Variants in ADCY9 observed in about 807,000 individuals in gnomAD.
The protein encoded by ADCY9 is adenylate cyclase type 9.
In ADCY9, 50 loss-of-function variants were observed where a neutral mutation model predicts 101.5. The observed-to-expected ratio is 0.49, with a 90% CI of 0.39 to 0.62. ADCY9 has a LOEUF of 0.62. Among genes scored for constraint, ADCY9 ranks in the 20% least tolerant of loss-of-function variants. ADCY9 has a pLI of 0.00. For synonymous variants in ADCY9, 905 were observed against 769.3 expected (o/e 1.18, Z -2.92); for missense variants, 1,662 against 1,800.4 (o/e 0.92, Z 1.39).
At chr16:4,073,731 T>A (rs1296883626) in intron 2 of ADCY9, among the ~76,000 whole-genome samples, 4 of 152,034 alleles carry the variant, frequency 2.6e-5, no homozygotes, top group Non-Finnish European at 5.9e-5. Flanking sequence ...AAATAAAAAC[T>A]TTTTCAGACA....
intron 2 of ADCY9, among the ~76,000 whole-genome samples, chr16:4,093,847 A>G (rs1350173147): frequency 6.6e-6 from 1 of 152,234 alleles, no homozygotes. Context: ...TTACTTGTTC[A>G]GGAAAGCTCC....
intron 3 of ADCY9, among the ~76,000 whole-genome samples, chr16:3,993,850 C>T (rs192348081): frequency 1.3e-5 from 2 of 152,242 alleles, no homozygotes; most frequent in South Asian, 2.1e-4. Context: ...TGGTGAACCT[C>T]GAAAACATTA....
At chr16:3,985,508 C>T (rs1465958683) in intron 6 of ADCY9, among the ~76,000 whole-genome samples, 2 of 152,330 alleles carry the variant, frequency 1.3e-5, no homozygotes, top group East Asian at 3.9e-4. Context: ...CGTCCCCTTT[C>T]TGTGGGGCTC....
intron 2 of ADCY9, among the ~76,000 whole-genome samples, chr16:4,019,044 C>T (rs544393648): frequency 1.3e-5 from 2 of 151,560 alleles, no homozygotes; most frequent in East Asian, 3.9e-4. Context: ...GGCATGATCA[C>T]GGCTCACTGC....
chr16:4,070,955 AAATAAT>A (rs1368964033), intron 2 of ADCY9, among the ~76,000 whole-genome samples: 1 of 152,148 alleles, frequency 6.6e-6, no homozygotes, highest in Admixed American at 6.6e-5. Flanking sequence ...TCAAAAAATA[AAATAAT>A]AATAATAATA....
In ADCY9 at chr16:3,966,407, C is replaced by T; in HGVS notation, c.3430G>A (p.Glu1144Lys). ...AAGTCGTCCACCACGCGCATCATCT[C>T]CTTGGCGAACTCGAACAGGATCTGC... is the stretch of plus-strand genomic sequence containing the variant. ...HLQILFEFAK[E>K]MMRVVDDFNN... is the part of the protein sequence containing the mutation. Residue 1144 changes from glutamate (E) to lysine (K), a missense_variant, in exon 11 of 11, where the codon GAG becomes AAG. Around this residue, in one of 5 missense-constraint regions of ADCY9, gnomAD observed 220 missense variants for 312.9 expected, o/e 0.70. Transcript: ENST00000294016. 1 of 1,614,158 alleles carries T rather than the reference C, an allele frequency of 6.2e-7. No homozygotes were observed. The highest frequency in any genetic ancestry group is 8.5e-7 in the Non-Finnish European group (1 of 1,180,046).
intron 5 of ADCY9, among the ~76,000 whole-genome samples, chr16:3,954,256 G>A (rs2055896111): frequency 3.3e-5 from 5 of 152,202 alleles, no homozygotes; most frequent in Non-Finnish European, 7.4e-5. Context: ...CTGGGTCCTG[G>A]TGAACGACGA....
chr16:4,114,195 C>A lies in ADCY9; in HGVS notation c.1248G>T (p.Val416=). 1 of 1,613,974 alleles carries A rather than the reference C, an allele frequency of 6.2e-7. No homozygotes were observed. Among genetic ancestry groups the A allele is most frequent in the Non-Finnish European group, 8.5e-7 (1 of 1,180,040 alleles). The change falls in exon 2 of 11, where the codon GTG becomes GTT. Residue 416 remains valine, a synonymous_variant. Transcript: ENST00000294016. The surrounding 1 kb of genome is among the most constrained non-coding windows in gnomAD (Gnocchi z 4.3). The stretch of plus-strand genomic sequence containing the variant: ...GACCGAACAGATCGTTCAGGAGACC[C>A]ACCAGGGCGTGGGCAGACTTGTTGG... The part of the protein sequence containing the change: ...MSANKSAHAL[V]GLLNDLFGRF...
chr16:3,987,357 G>GTC (rs1157703284), intron 6 of ADCY9, among the ~76,000 whole-genome samples: 2 of 152,252 alleles, frequency 1.3e-5, no homozygotes, highest in African/African-American at 4.8e-5. Context: ...TGGCAAAGGT[G>GTC]TCTGCTGTTT....
intron 2 of ADCY9, among the ~76,000 whole-genome samples, chr16:4,027,211 C>A (rs1337278472): frequency 6.6e-6 from 1 of 152,242 alleles, no homozygotes; most frequent in African/African-American, 2.4e-5. Context: ...CCTGCTCCCA[C>A]TCCGTGGAGT....
Position 3,965,933 on chromosome 16 carries a change from T to C in ADCY9, c.3904A>G (p.Lys1302Glu). Residue 1302 changes from lysine (K) to glutamate (E), a missense_variant, in exon 11 of 11, where the codon AAG (lysine) becomes GAG (glutamate). Transcript: ENST00000294016. ...SLGSDSSTQA[K>E]DAHLSPKRPW... ...CTCTTGGGGGACAGGTGGGCATCCT[T>C]GGCCTGCGTGCTGCTGTCAGAACCC... 6.2e-7 allele frequency: 1 copy of C among 1,614,160 alleles called. No individual in the cohort carries two copies. Among genetic ancestry groups the C allele is most frequent in the Non-Finnish European group, 8.5e-7 (1 of 1,180,026 alleles).
chr16:4,096,685 A>G (rs1378324645), intron 2 of ADCY9, among the ~76,000 whole-genome samples: 1 of 152,228 alleles, frequency 6.6e-6, no homozygotes, highest in African/African-American at 2.4e-5. Flanking sequence ...AACTGAATCA[A>G]CATGCAATAA....
intron 10 of ADCY9, among the ~76,000 whole-genome samples, chr16:3,969,614 T>TATGTA (rs1567414929): frequency 2.8e-3 from 140 of 50,568 alleles, no homozygotes; most frequent in Admixed American, 3.6e-3. Flanking sequence ...ATATATGTAT[T>TATGTA]TTTTTTTTTT....
At chr16:4,112,745 A>G (rs2057121684) in intron 2 of ADCY9, among the ~76,000 whole-genome samples, 1 of 152,134 alleles carries the variant, frequency 6.6e-6, no homozygotes, top group South Asian at 2.1e-4. Context: ...TATTTTCTCT[A>G]CATACTTCCA....
At chr16:4,103,424 C>T (rs1402056887) in intron 2 of ADCY9, among the ~76,000 whole-genome samples, 1 of 152,260 alleles carries the variant, frequency 6.6e-6, no homozygotes, top group African/African-American at 2.4e-5. Flanking sequence ...ATGGGTGAAA[C>T]TGCTAGTGCC....
chr16:4,062,616 G>T (rs1394258130), intron 2 of ADCY9, among the ~76,000 whole-genome samples: 1 of 152,088 alleles, frequency 6.6e-6, no homozygotes. Flanking sequence ...GGAATTCAAG[G>T]TTATAGTGAG....
chr16:3,968,344 C>T (rs1011930487), intron 10 of ADCY9, among the ~76,000 whole-genome samples: 1 of 151,810 alleles, frequency 6.6e-6, no homozygotes, highest in Admixed American at 6.6e-5. Flanking sequence ...GTTGGTCAGG[C>T]TTGTCTCAAA....
intron 2 of ADCY9, among the ~76,000 whole-genome samples, chr16:4,036,272 G>A (rs1011726097): frequency 1.3e-5 from 2 of 151,876 alleles, no homozygotes; most frequent in African/African-American, 2.4e-5. Flanking sequence ...CACACACCAC[G>A]TCCCCTTATG....
intron 10 of ADCY9, among the ~76,000 whole-genome samples, chr16:3,967,586 G>C: frequency 6.6e-6 from 1 of 151,416 alleles, no homozygotes; most frequent in East Asian, 2.0e-4. Flanking sequence ...AAGAGACAGG[G>C]TCTTGCTGGT....
Sources: allele counts gnomAD v4.1 joint callset (sites outside exome capture counted in the v4.1 genomes callset), GRCh38; gene constraint gnomAD v4.1.1; regional missense constraint gnomAD v4.1.1; non-coding constraint Gnocchi (gnomAD v3.1); transcripts MANE v1.5; gene names NCBI Gene and HGNC (gene_info 2026-07-23, HGNC 2026-07-21).